Variants in CTBP1 observed in about 807,000 individuals in gnomAD.
The protein encoded by CTBP1 is C-terminal-binding protein 1.
A neutral mutation model predicts 42.1 loss-of-function variants in CTBP1; 11 were observed. The ratio of observed to expected loss-of-function variants is 0.26; its 90% confidence interval spans 0.16 to 0.43. CTBP1 has a LOEUF of 0.43. Among genes scored for constraint, CTBP1 ranks in the 20% least tolerant of loss-of-function variants. CTBP1 has a pLI of 1.00. For missense variants in CTBP1, 399 were observed against 624.3 expected, an observed-to-expected ratio of 0.64 and a Z score of 3.85; for synonymous variants, 324 against 277.1, an observed-to-expected ratio of 1.17 and a Z score of -1.68.
chr4:1,214,219 G>T, intron 7 of CTBP1, 124 bp downstream of exon 7: 1 of 1,281,082 alleles, frequency 7.8e-7, no homozygotes, highest in Non-Finnish European at 1.0e-6. Context: ...CTCCCCCACT[G>T]CTGGCCAGCG....
chr4:1,248,908 G>C lies in CTBP1; in HGVS notation c.-189+8C>G. 1.0e-6 allele frequency: 1 copy of C among 977,568 alleles called. No individual in the cohort carries two copies. Among genetic ancestry groups the C allele is most frequent in the Non-Finnish European group, 1.2e-6 (1 of 822,312 alleles). 60.6% of individuals were successfully genotyped at this position (977,568 alleles called of 1,614,324 possible). A position where few individuals can be genotyped will look rare whatever the true frequency, so the allele number is the denominator to read the frequency against. On this transcript the variant is annotated splice_region_variant and intron_variant, in intron 1 of 9. Transcript: ENST00000382952. ...CGCGGCCGGAAACGCGCGCGCGCGC[G>C]GCCTTACCAAGCGGCAGGCCCTTGT...
rs545234962 is a variant in CTBP1, at chr4:1,222,714, G to T, written c.514+2646C>A. ...GGGTGTTCCAACCCCCACTCAGCAC[G>T]GGGCCCTGGGAGGGGCTGGTTGGGC... On this transcript the variant is annotated intron_variant, in intron 5 of 9. Coordinates refer to ENST00000382952, the MANE Select transcript of CTBP1 (RefSeq NM_001012614.2). Among the ~76,000 whole-genome samples, 6 of 152,162 alleles carry T rather than the reference G, an allele frequency of 3.9e-5. No homozygotes were observed. In the South Asian group the frequency reaches 1.2e-3, roughly 31 times the overall value.
intron 4 of CTBP1, among the ~76,000 whole-genome samples, chr4:1,226,375 C>A (rs1483959360): frequency 1.3e-5 from 2 of 152,100 alleles, no homozygotes; most frequent in African/African-American, 4.8e-5. Context: ...GAGGCCAGGA[C>A]AGGGCTGCAT....
At chr4:1,248,256 A>G (rs1463692075) in intron 1 of CTBP1, among the ~76,000 whole-genome samples, 1 of 151,580 alleles carries the variant, frequency 6.6e-6, no homozygotes, top group East Asian at 1.9e-4. Flanking sequence ...CCGGTCCGGG[A>G]CCTCGCGGAG....
chr4:1,245,914 T>A (rs1021544897), intron 1 of CTBP1, among the ~76,000 whole-genome samples: 1 of 152,112 alleles, frequency 6.6e-6, no homozygotes, highest in African/African-American at 2.4e-5. Flanking sequence ...CTCAGGGCCA[T>A]CCTCACTCTC....
chr4:1,221,770 C>T (rs1188920049), intron 5 of CTBP1: 4 of 429,692 alleles, frequency 9.3e-6, no homozygotes, highest in East Asian at 8.3e-5. Flanking sequence ...TGTCTGTGTG[C>T]AGGAGCCTGC....
intron 4 of CTBP1, 135 bp from the exon 5 acceptor site, chr4:1,225,701 G>A (rs1297230795): frequency 1.0e-5 from 9 of 900,634 alleles, no homozygotes; most frequent in Middle Eastern, 3.4e-4. Flanking sequence ...AGGCCACCCC[G>A]GGAGGCCACG....
rs1732411696 is a variant in CTBP1, at chr4:1,243,582, G to C, written c.-188-2063C>G. 5 of 985,296 alleles carry C rather than the reference G, an allele frequency of 5.1e-6. 1 individual carries two copies. The South Asian group carries it at 2.3e-4, about 46-fold the overall frequency. 61.0% of individuals were successfully genotyped at this position (985,296 alleles called of 1,614,324 possible). A position where few individuals can be genotyped will look rare whatever the true frequency, so the allele number is the denominator to read the frequency against. On this transcript the variant is annotated intron_variant, in intron 1 of 9. Transcript: ENST00000382952. ...CCTGGGGCCACTGTGCACCCACAAA[G>C]CGCCCCCTGCCGGGCCACACCTGCC...
Position 1,248,831 on chromosome 4 carries a change from T to C in CTBP1, c.-189+85A>G, listed in dbSNP as rs1339650938. 1.0e-5 allele frequency: 9 copies of C among 886,674 alleles called. No individual in the cohort carries two copies. In the East Asian group the frequency reaches 5.3e-4, roughly 52 times the overall value. 54.9% of individuals were successfully genotyped at this position (886,674 alleles called of 1,614,324 possible). On this transcript the variant is annotated intron_variant, in intron 1 of 9. Coordinates refer to ENST00000382952, the MANE Select transcript of CTBP1 (RefSeq NM_001012614.2). ...CGGCGGCCCGCGGGCGCGCGCTCGG[T>C]CCGCCCCCGCGCCCCCCGCCCGCGC...
At position 1,235,352 on chromosome 4, in the gene CTBP1, A is replaced by G. The variant is rs1161089061; in HGVS notation, c.162+2831T>C. ...ACGCCCCAGCAGACGCTCCCGGCAG[A>G]CCACGCGCATTTTTAACATCAGATT... On this transcript the variant is annotated intron_variant, in intron 3 of 9. Transcript: ENST00000382952. This position sits in a 1 kb window ranked among gnomAD's most constrained non-coding sequence, Gnocchi z 4.2. 1 of 152,170 alleles carries G rather than the reference A, an allele frequency of 6.6e-6. No individual in the cohort carries two copies. The highest frequency in any genetic ancestry group is 1.5e-5 in the Non-Finnish European group (1 of 68,044). 9.4% of individuals were successfully genotyped at this position (152,170 alleles called of 1,614,324 possible).
chr4:1,225,482 C>T lies in CTBP1; in HGVS notation c.392G>A (p.Arg131Gln). The change falls in exon 5 of 10, where the codon CGG becomes CAG. Residue 131 changes from arginine to glutamine, a missense_variant. Around this residue, in one of 4 missense-constraint regions of CTBP1, gnomAD observed 309 missense variants for 497.5 expected, o/e 0.62. Coordinates refer to ENST00000382952, the MANE Select transcript of CTBP1 (RefSeq NM_001012614.2). ...TLCHILNLYR[R>Q]ATWLHQALRE... is the part of the protein sequence containing the mutation. ...CAGCGCCTGGTGCAGCCAGGTGGCCCGCCGGTACAGGTTCAGGATGTGGCA... is the reference window on the plus strand; with the variant it reads ...CAGCGCCTGGTGCAGCCAGGTGGCCTGCCGGTACAGGTTCAGGATGTGGCA... 1.9e-6 allele frequency: 3 copies of T among 1,545,616 alleles called. No homozygotes were observed. The highest frequency in any genetic ancestry group is 8.7e-7 in the Non-Finnish European group (1 of 1,146,986).
At chr4:1,244,363 G>GGT (rs1553851095) in intron 1 of CTBP1, 18 of 983,966 alleles carry the variant, frequency 1.8e-5, no homozygotes, top group Non-Finnish European at 2.0e-5. Context: ...CTGGGGGGGG[G>GGT]GTGTTCCAGG....
At chr4:1,220,598 G>C (rs1729629976) in intron 5 of CTBP1, among the ~76,000 whole-genome samples, 1 of 152,250 alleles carries the variant, frequency 6.6e-6, no homozygotes, top group African/African-American at 2.4e-5. Context: ...GAACATGGTG[G>C]AGGATCTCAA....
rs764497418 is a variant in CTBP1 at position 1,238,148 on chromosome 4, G to A, written c.162+35C>T. 6 of 1,612,122 alleles carry A rather than the reference G, an allele frequency of 3.7e-6. No individual in the cohort carries two copies. The highest frequency in any genetic ancestry group is 2.7e-5 in the African/African-American group (2 of 74,938). On this transcript the variant is annotated intron_variant, in intron 3 of 9. Coordinates refer to ENST00000382952, the MANE Select transcript of CTBP1 (RefSeq NM_001012614.2). This position sits in a 1 kb window ranked among gnomAD's most constrained non-coding sequence, Gnocchi z 5.9. ...GTCCCTCCAACTCCCCCCAACGTGC[G>A]GTTCTGCCAGCCCCAGGCGACCACG...
chr4:1,228,742 G>C (rs113149797), intron 3 of CTBP1, among the ~76,000 whole-genome samples: 2,176 of 152,260 alleles, frequency 0.014, 66 homozygotes, highest in African/African-American at 0.049. Context: ...GCCACACCCA[G>C]GAAGGACACT....
At chr4:1,218,536 G>A (rs1729393811) in intron 5 of CTBP1, 3 of 152,318 alleles carry the variant, frequency 2.0e-5, no homozygotes, top group South Asian at 2.1e-4. Context: ...ATCGGGGGGC[G>A]TAAACAAGGC....
chr4:1,223,933 T>G (rs1037354664), intron 5 of CTBP1, among the ~76,000 whole-genome samples: 1 of 152,214 alleles, frequency 6.6e-6, no homozygotes, highest in Non-Finnish European at 1.5e-5. Context: ...GGGCCCAGGA[T>G]AGGCGGCTGC....
intron 5 of CTBP1, among the ~76,000 whole-genome samples, chr4:1,222,891 C>A (rs1729909094): frequency 6.6e-6 from 1 of 152,028 alleles, no homozygotes. Context: ...CCTACTCTTA[C>A]CAGGGGAACT....
At chr4:1,239,045 G>A (rs1466722588) in intron 2 of CTBP1, among the ~76,000 whole-genome samples, 1 of 152,202 alleles carries the variant, frequency 6.6e-6, no homozygotes, top group Admixed American at 6.5e-5. Flanking sequence ...TAGATGTGAA[G>A]AGAAAAGAAA....
Sources: allele counts gnomAD v4.1 joint callset (sites outside exome capture counted in the v4.1 genomes callset), GRCh38; gene constraint gnomAD v4.1.1; regional missense constraint gnomAD v4.1.1; non-coding constraint Gnocchi (gnomAD v3.1); transcripts MANE v1.5; gene names NCBI Gene and HGNC (gene_info 2026-07-23, HGNC 2026-07-21).